The following PTPRT variants were observed in gnomAD, a reference collection of about 807,000 sequenced individuals.
PTPRT encodes the protein protein tyrosine phosphatase receptor type T.
Under a neutral mutation model 176.8 loss-of-function variants are expected in PTPRT, and 56 were observed. The observed-to-expected ratio is 0.32, with a 90% CI of 0.26 to 0.40. The LOEUF (loss-of-function observed/expected upper bound fraction) is 0.40, where lower values mean the gene tolerates loss of function less well. Ranked by LOEUF, PTPRT falls within the 10% of genes least tolerant of loss-of-function variation. The pLI, the probability that PTPRT is intolerant of heterozygous loss-of-function variation, is 1.00. For missense variants in PTPRT, 1,540 were observed against 1,908.2 expected (o/e 0.81, Z 3.60); for synonymous variants, 783 against 739.0 (o/e 1.06, Z -0.96).
Position 43,079,707 on chromosome 20 carries a change from CAT to C in PTPRT, c.88+109937_88+109938del, listed in dbSNP as rs2011386016. On this transcript the variant is annotated intron_variant, in intron 1 of 30. Transcript: ENST00000373187. ...GGTACAAAAGAAAGTTATTAATTTT[CAT>C]ATGTTTATATTATCCAACAAATTTG... is the stretch of plus-strand genomic sequence containing the variant. 2.6e-5 allele frequency among the ~76,000 whole-genome samples: 4 copies of C among 152,116 alleles called. No individual in the cohort carries two copies. In the South Asian group the frequency reaches 8.3e-4, roughly 32 times the overall value.
chr20:42,987,104 C>T (rs1410999593), intron 1 of PTPRT, among the ~76,000 whole-genome samples: 1 of 152,140 alleles, frequency 6.6e-6, no homozygotes, highest in Admixed American at 6.5e-5. Flanking sequence ...ACCTAGACCC[C>T]CACATCCACC....
intron 7 of PTPRT, among the ~76,000 whole-genome samples, chr20:42,670,199 C>G (rs1159550914): frequency 6.6e-6 from 1 of 152,154 alleles, no homozygotes; most frequent in South Asian, 2.1e-4. Flanking sequence ...TTCCCCAGGC[C>G]TAAGATTTAT....
intron 1 of PTPRT, among the ~76,000 whole-genome samples, chr20:43,069,738 T>C (rs555884429): frequency 6.6e-6 from 1 of 152,242 alleles, no homozygotes; most frequent in South Asian, 2.1e-4. Context: ...AGCTGTGAAA[T>C]GGGCTTCCCC....
chr20:42,630,130 G>A (rs2074375683), intron 7 of PTPRT, among the ~76,000 whole-genome samples: 3 of 152,096 alleles, frequency 2.0e-5, no homozygotes, highest in Admixed American at 2.0e-4. Flanking sequence ...GAGGTAAGAG[G>A]GTCAGAGTCA....
chr20:43,129,840 G>A (rs1047751901), intron 1 of PTPRT, among the ~76,000 whole-genome samples: 24 of 151,454 alleles, frequency 1.6e-4, no homozygotes, highest in Admixed American at 1.3e-3. Context: ...GGATGGTCTC[G>A]ATCTCCTGAC....
At chr20:42,945,077 T>C (rs915314109) in intron 1 of PTPRT, among the ~76,000 whole-genome samples, 6 of 148,614 alleles carry the variant, frequency 4.0e-5, no homozygotes, top group Non-Finnish European at 7.4e-5. Flanking sequence ...CTATATATTA[T>C]AAAATATGTA....
intron 2 of PTPRT, among the ~76,000 whole-genome samples, chr20:42,876,405 T>C (rs764541610): frequency 2.0e-5 from 3 of 152,196 alleles, no homozygotes; most frequent in Non-Finnish European, 4.4e-5. Flanking sequence ...AGGAGCCAGT[T>C]ACATGTGTCA....
intron 12 of PTPRT, among the ~76,000 whole-genome samples, chr20:42,303,250 G>T (rs781255637): frequency 6.6e-6 from 1 of 152,190 alleles, no homozygotes; most frequent in Non-Finnish European, 1.5e-5. Context: ...ATTCTCAGGT[G>T]ACAGATGTAA....
intron 7 of PTPRT, among the ~76,000 whole-genome samples, chr20:42,576,933 G>A (rs1418415423): frequency 6.6e-6 from 1 of 152,150 alleles, no homozygotes; most frequent in African/African-American, 2.4e-5. Flanking sequence ...GTCAGATGAG[G>A]AAGACAGTCC....
intron 17 of PTPRT, among the ~76,000 whole-genome samples, chr20:42,155,875 T>A (rs1000182557): frequency 3.3e-5 from 5 of 152,206 alleles, no homozygotes; most frequent in African/African-American, 1.2e-4. Context: ...AGATCTAAAA[T>A]GCAAATCTAC....
intron 9 of PTPRT, among the ~76,000 whole-genome samples, chr20:42,429,850 GGAGGAA>G (rs2059199960): frequency 6.6e-6 from 1 of 152,222 alleles, no homozygotes. Context: ...ATGCAAGAAA[GGAGGAA>G]GAGGGAAAAG....
chr20:42,084,809 A>G lies in PTPRT; in HGVS notation c.4009T>C (p.Tyr1337His). ...TCCCGGTAGGCAGGCCAGCCAATGT[A>G]CTGGAGGTGCTGGACTATACGATAA... ...DGYRIVQHLQ[Y>H]IGWPAYRDTP... The change falls in exon 29 of 31, where the codon TAC (tyrosine) becomes CAC (histidine). Residue 1337 changes from tyrosine to histidine, a missense_variant. By Grantham distance (83) the Tyr-to-His change is moderately conservative (BLOSUM62 2). Transcript: ENST00000373187. The G allele has an allele frequency of 6.5e-7, 1 of 1,540,102 alleles. No homozygotes were observed. Among genetic ancestry groups the G allele is most frequent in the Non-Finnish European group, 8.8e-7 (1 of 1,137,898 alleles).
intron 16 of PTPRT, among the ~76,000 whole-genome samples, chr20:42,168,365 T>C (rs1300265256): frequency 6.6e-6 from 1 of 152,196 alleles, no homozygotes; most frequent in Non-Finnish European, 1.5e-5. Flanking sequence ...CATCATCATC[T>C]TCTTCTGAGA....
At chr20:42,950,553 AC>A (rs1981174820) in intron 1 of PTPRT, among the ~76,000 whole-genome samples, 1 of 152,088 alleles carries the variant, frequency 6.6e-6, no homozygotes, top group Non-Finnish European at 1.5e-5. Flanking sequence ...ATAGCTCCAA[AC>A]CCCAACCTGA....
intron 6 of PTPRT, among the ~76,000 whole-genome samples, chr20:42,728,075 C>G (rs775843016): frequency 9.9e-5 from 15 of 152,266 alleles, no homozygotes; most frequent in Non-Finnish European, 2.1e-4. Context: ...CTTGCAGCAC[C>G]CTTGAAAAGA....
intron 17 of PTPRT, among the ~76,000 whole-genome samples, chr20:42,160,869 C>T (rs1006382181): frequency 3.5e-4 from 53 of 152,066 alleles, no homozygotes; most frequent in African/African-American, 1.2e-3. Flanking sequence ...GGGATGGGAG[C>T]GGGGACCAGA....
intron 3 of PTPRT, among the ~76,000 whole-genome samples, chr20:42,787,755 A>G (rs1021326455): frequency 6.6e-6 from 1 of 152,226 alleles, no homozygotes; most frequent in African/African-American, 2.4e-5. Context: ...TATTATAAAA[A>G]GTAATTTGGT....
chr20:42,679,493 G>T (rs2075565829), intron 6 of PTPRT, among the ~76,000 whole-genome samples: 1 of 152,000 alleles, frequency 6.6e-6, no homozygotes, highest in Non-Finnish European at 1.5e-5. Flanking sequence ...AGTAAAAATG[G>T]CAGAACAATA....
the PTPRT span, among the ~76,000 whole-genome samples, chr20:42,035,936 C>T: frequency 4.6e-4 from 70 of 152,230 alleles, no homozygotes; most frequent in East Asian, 0.013. Flanking sequence ...CTAAAGTAGA[C>T]CTTGAGACAA....
Sources: allele counts gnomAD v4.1 joint callset (sites outside exome capture counted in the v4.1 genomes callset), GRCh38; gene constraint gnomAD v4.1.1; transcripts MANE v1.5; gene names NCBI Gene and HGNC (gene_info 2026-07-23, HGNC 2026-07-21).